The following PAQR5 variants were observed in gnomAD, a reference collection of about 807,000 sequenced individuals.
PAQR5 encodes the protein membrane progestin receptor gamma.
Under a neutral mutation model 34.5 loss-of-function variants are expected in PAQR5, and 20 were observed. The ratio of observed to expected loss-of-function variants is 0.58; its 90% CI spans 0.41 to 0.84. PAQR5 has a LOEUF of 0.84. Among genes scored for constraint, PAQR5 ranks in the 40% least tolerant of loss-of-function variants. PAQR5 has a pLI of 0.00. For synonymous variants in PAQR5, 131 were observed against 155.6 expected (o/e 0.84, Z 1.18); for missense variants, 378 against 412.7 (o/e 0.92, Z 0.73).
At chr15:69,403,142 T>G (rs1224931285) in intron 8 of PAQR5, among the ~76,000 whole-genome samples, 6 of 152,272 alleles carry the variant, frequency 3.9e-5, no homozygotes, top group Non-Finnish European at 8.8e-5. Flanking sequence ...TTTTTTCATC[T>G]GAAAAATGAG....
intron 1 of PAQR5, among the ~76,000 whole-genome samples, chr15:69,330,447 A>G (rs1264162033): frequency 1.3e-5 from 2 of 152,202 alleles, no homozygotes; most frequent in African/African-American, 4.8e-5. Flanking sequence ...TTTAGGAGTC[A>G]TGCAGTTGGA....
At chr15:69,382,751 T>C (rs2055934434) in intron 4 of PAQR5, 1 of 143,892 alleles carries the variant, frequency 6.9e-6, no homozygotes, top group Non-Finnish European at 1.5e-5. Flanking sequence ...TATATGTGTG[T>C]ATATATATGT....
At chr15:69,318,340 T>C (rs1566995270) in intron 1 of PAQR5, among the ~76,000 whole-genome samples, 1 of 152,240 alleles carries the variant, frequency 6.6e-6, no homozygotes, top group Non-Finnish European at 1.5e-5. Flanking sequence ...TCAGACATTA[T>C]GCAGCCATGT....
intron 1 of PAQR5, among the ~76,000 whole-genome samples, chr15:69,333,630 T>G (rs1248679651): frequency 2.0e-5 from 3 of 152,190 alleles, no homozygotes; most frequent in Non-Finnish European, 4.4e-5. Context: ...CATTGCACGG[T>G]CTTCTCCCAC....
At chr15:69,391,633 A>C (rs1243288656) in intron 6 of PAQR5, 1 of 455,950 alleles carries the variant, frequency 2.2e-6, no homozygotes. Flanking sequence ...TGGACCAGTC[A>C]CTGCCCCATC....
At chr15:69,398,869 G>T (rs1024510246) in intron 7 of PAQR5, among the ~76,000 whole-genome samples, 1 of 152,188 alleles carries the variant, frequency 6.6e-6, no homozygotes, top group Admixed American at 6.5e-5. Flanking sequence ...AGTTCTAAGT[G>T]GTGATGTTGA....
At chr15:69,356,077 A>G (rs540550150) in intron 2 of PAQR5, among the ~76,000 whole-genome samples, 1 of 152,316 alleles carries the variant, frequency 6.6e-6, no homozygotes, top group South Asian at 2.1e-4. Flanking sequence ...TGGTCATCCT[A>G]CCTAAATAGT....
rs548173200 is a variant in PAQR5 at position 69,363,105 on chromosome 15, T to A, written c.51+2974T>A. Among the ~76,000 whole-genome samples, 5 of 152,318 alleles carry A rather than the reference T, an allele frequency of 3.3e-5. No individual in the cohort carries two copies. The South Asian group carries it at 8.3e-4, about 25-fold the overall frequency. ...CTCTGTACAGCTGCCTCTCCTTTTG[T>A]GTATCAGCCAGCTATGTGACCTGGG... On this transcript the variant is annotated intron_variant, in intron 3 of 8. Transcript: ENST00000395407.
At chr15:69,355,874 C>T (rs1184583939) in intron 2 of PAQR5, among the ~76,000 whole-genome samples, 1 of 152,012 alleles carries the variant, frequency 6.6e-6, no homozygotes, top group Non-Finnish European at 1.5e-5. Flanking sequence ...ATTTTTATAT[C>T]AGTTAAATTC....
In PAQR5 at chr15:69,405,157, G is replaced by A; in HGVS notation, c.*1335G>A. 1 of 395,680 alleles carries A rather than the reference G, an allele frequency of 2.5e-6. No homozygotes were observed. Among genetic ancestry groups the A allele is most frequent in the Non-Finnish European group, 4.5e-6 (1 of 224,660 alleles). The allele number at this position is 395,680 out of a possible 1,614,324, so 24.5% of individuals were successfully genotyped here. A position where few individuals can be genotyped will look rare whatever the true frequency, so the allele number is the denominator to read the frequency against. ...GTTCAGTATTTCATGGTGTTTTCAG[G>A]GAACACAGAAATGCGGATGCAAAAC... On this transcript the variant is annotated 3_prime_UTR_variant, in exon 9 of 9. Transcript: ENST00000395407.
intron 1 of PAQR5, among the ~76,000 whole-genome samples, chr15:69,301,779 C>G (rs2053609464): frequency 6.8e-6 from 1 of 146,606 alleles, no homozygotes; most frequent in African/African-American, 2.6e-5. Flanking sequence ...CCTGAGTACA[C>G]AGAAGGTTTA....
chr15:69,300,865 CT>C (rs1566986261), intron 1 of PAQR5, among the ~76,000 whole-genome samples: 1 of 20,212 alleles, frequency 4.9e-5, no homozygotes, highest in Non-Finnish European at 1.2e-4. Context: ...TTCTTTCTTT[CT>C]TTCTTTCTTT....
intron 3 of PAQR5, among the ~76,000 whole-genome samples, chr15:69,366,056 C>T (rs2055393989): frequency 6.6e-6 from 1 of 152,180 alleles, no homozygotes; most frequent in Non-Finnish European, 1.5e-5. Context: ...ACCATGATCA[C>T]CAGTTTTTAG....
At chr15:69,397,416 T>G in intron 6 of PAQR5, 52 bp from the exon 7 acceptor site, 1 of 1,230,232 alleles carries the variant, frequency 8.1e-7, no homozygotes. Context: ...GTATGCAATT[T>G]GCTGAGACTC....
chr15:69,390,738 G>A (rs1300943639), intron 6 of PAQR5, among the ~76,000 whole-genome samples: 1 of 152,098 alleles, frequency 6.6e-6, no homozygotes, highest in Non-Finnish European at 1.5e-5. Context: ...GTCTGCCTCT[G>A]GGCATATGTG....
chr15:69,319,158 CATATATATATATATATATATATATAT>C (rs869082537), intron 1 of PAQR5, among the ~76,000 whole-genome samples: 21 of 4,284 alleles, frequency 4.9e-3, no homozygotes, highest in African/African-American at 6.1e-3. Flanking sequence ...TAAATATATA[CATATATATATATATATATATATATAT>C]ATATATATAT....
intron 5 of PAQR5, 63 bp from the exon 6 acceptor site, chr15:69,389,591 T>A: frequency 6.2e-7 from 1 of 1,605,828 alleles, no homozygotes; most frequent in Non-Finnish European, 8.5e-7. Context: ...GGACAGTCTT[T>A]GCAAGGGGCC....
chr15:69,322,774 G>A (rs12591089), intron 1 of PAQR5, among the ~76,000 whole-genome samples: 7,488 of 32,130 alleles, frequency 0.23, 2,051 homozygotes, highest in East Asian at 0.36. Flanking sequence ...GAAGAAGAGG[G>A]AGAAGAAGAA....
At chr15:69,307,604 C>T (rs1364150144) in intron 1 of PAQR5, among the ~76,000 whole-genome samples, 5 of 152,184 alleles carry the variant, frequency 3.3e-5, no homozygotes, top group African/African-American at 1.2e-4. Context: ...CTTTCATCCC[C>T]CACAAGGCTG....
Sources: allele counts gnomAD v4.1 joint callset (sites outside exome capture counted in the v4.1 genomes callset), GRCh38; gene constraint gnomAD v4.1.1; transcripts MANE v1.5; gene names NCBI Gene and HGNC (gene_info 2026-07-23, HGNC 2026-07-21).